The following BIRC3 variants were observed in gnomAD, a reference collection of about 807,000 sequenced individuals.
BIRC3 encodes baculoviral IAP repeat containing 3.
In BIRC3, 26 loss-of-function variants were observed where a neutral mutation model predicts 59.0. The observed-to-expected ratio is 0.44, with a 90% confidence interval of 0.32 to 0.61. The LOEUF (loss-of-function observed/expected upper bound fraction) is 0.61. Ranked by LOEUF, BIRC3 falls within the 20% of genes least tolerant of loss-of-function variation. The pLI is 0.04. For synonymous variants in BIRC3, 243 were observed against 249.2 expected (o/e 0.98, Z 0.24); for missense variants, 641 against 711.5 (o/e 0.90, Z 1.13).
At chr11:102,326,900 G>C (rs1291469331) in intron 3 of BIRC3, 2 of 400,978 alleles carry the variant, frequency 5.0e-6, no homozygotes, top group African/African-American at 4.1e-5. Context: ...TAGAGACAGG[G>C]TTTCACCATG....
intron 7 of BIRC3, 181 bp from the exon 8 acceptor site, chr11:102,336,579 C>T: frequency 1.5e-6 from 1 of 647,892 alleles, no homozygotes; most frequent in East Asian, 2.9e-5. Context: ...GGGTGACAGA[C>T]TCTGTCTCAA....
chr11:102,335,178 G>T (rs2135791880), intron 6 of BIRC3, among the ~76,000 whole-genome samples: 1 of 152,320 alleles, frequency 6.6e-6, no homozygotes, highest in Middle Eastern at 3.4e-3. Context: ...GGAGGCAGAG[G>T]TTGCAGTGAG....
At position 102,322,467 on chromosome 11, in the gene BIRC3, T is replaced by C. The variant is rs1243017717; in HGVS notation, c.-2043T>C. The C allele has an allele frequency of 9.7e-6, 2 of 205,940 alleles. No homozygotes were observed. The highest frequency in any genetic ancestry group is 6.0e-5 in the Admixed American group (1 of 16,778). 12.8% of individuals were successfully genotyped at this position (205,940 alleles called of 1,614,324 possible). ...TTAAACGTCCAAAAGTTTGTTTAAA[T>C]GGGCTGTTACCGCTGAGAATGATGA... is the stretch of plus-strand genomic sequence containing the variant. On this transcript the variant is annotated 5_prime_UTR_variant, in exon 2 of 9. An upstream start codon of the reference 5' UTR is lost. Transcript: ENST00000263464.
chr11:102,335,362 A>AT (rs1483837094), intron 6 of BIRC3, among the ~76,000 whole-genome samples: 1 of 152,226 alleles, frequency 6.6e-6, no homozygotes, highest in Admixed American at 6.5e-5. Flanking sequence ...TGAAACGTCA[A>AT]TTTTAATGGG....
chr11:102,320,588 A>G (rs146956567), intron 1 of BIRC3, among the ~76,000 whole-genome samples: 31 of 152,342 alleles, frequency 2.0e-4, no homozygotes, highest in African/African-American at 2.4e-4. Context: ...CTTTTAAATG[A>G]AAGCATACTC....
intron 6 of BIRC3, among the ~76,000 whole-genome samples, chr11:102,331,529 G>C (rs1951138787): frequency 6.6e-6 from 1 of 151,816 alleles, no homozygotes; most frequent in South Asian, 2.1e-4. Flanking sequence ...TGCATTCATG[G>C]CACATTTTTT....
At chr11:102,332,980 C>T (rs1006921892) in intron 6 of BIRC3, among the ~76,000 whole-genome samples, 3 of 152,192 alleles carry the variant, frequency 2.0e-5, no homozygotes, top group African/African-American at 4.8e-5. Context: ...AAATCTAAAA[C>T]TATCCACTTA....
At chr11:102,336,846 T>C (rs1468757018) in intron 8 of BIRC3, 45 bp downstream of exon 8, 1 of 1,587,552 alleles carries the variant, frequency 6.3e-7, no homozygotes, top group East Asian at 2.2e-5. Context: ...ATTGTCTTTA[T>C]TTTCTTAGTT....
intron 6 of BIRC3, among the ~76,000 whole-genome samples, chr11:102,335,637 CATT>C (rs17883841): frequency 6.6e-6 from 1 of 151,842 alleles, no homozygotes; most frequent in East Asian, 1.9e-4. Flanking sequence ...CTATAAGTAG[CATT>C]ATTATTATTA....
At chr11:102,334,856 C>T (rs1442317293) in intron 6 of BIRC3, among the ~76,000 whole-genome samples, 2 of 152,104 alleles carry the variant, frequency 1.3e-5, no homozygotes, top group Admixed American at 1.3e-4. Flanking sequence ...GCTGTTACTG[C>T]CTTTCCCTGC....
intron 1 of BIRC3, among the ~76,000 whole-genome samples, chr11:102,320,834 C>G (rs547801024): frequency 1.3e-5 from 2 of 152,340 alleles, no homozygotes; most frequent in Admixed American, 6.5e-5. Flanking sequence ...TTAGTGGAGA[C>G]TACCAGAACA....
At chr11:102,326,732 G>T (rs1951085131) in intron 3 of BIRC3, 1 of 454,692 alleles carries the variant, frequency 2.2e-6, no homozygotes, top group African/African-American at 2.0e-5. Flanking sequence ...TTTTGAGATG[G>T]AGCCTGGCTC....
In BIRC3 at chr11:102,331,157, A is replaced by G; in HGVS notation, c.1240A>G (p.Asn414Asp). 2 of 1,613,834 alleles carry G rather than the reference A, an allele frequency of 1.2e-6. No individual in the cohort carries two copies. Among genetic ancestry groups the G allele is most frequent in the Non-Finnish European group, 8.5e-7 (1 of 1,179,852 alleles). ...AACTGGAGAGAATTATAGACTAGTC[A>G]ATGATCTTGTGTTAGACTTACTCAA... Reference protein sequence around the residue: ...LATGENYRLVNDLVLDLLNAE... With the variant: ...LATGENYRLVDDLVLDLLNAE... Residue 414 changes from asparagine (N) to aspartate (D), a missense_variant, in exon 6 of 9, where the codon AAT becomes GAT. This residue lies in a region of BIRC3 where 268 missense variants were observed against 255.7 expected (regional missense o/e 1.05). Transcript: ENST00000263464.
intron 6 of BIRC3, among the ~76,000 whole-genome samples, chr11:102,331,892 C>T (rs17882481): frequency 5.5e-4 from 83 of 152,232 alleles, no homozygotes; most frequent in African/African-American, 1.9e-3. Flanking sequence ...CCGCCCGCCT[C>T]GGCCTCCCAA....
rs57261191 is a variant in BIRC3 at position 102,336,950 on chromosome 11, A to C, written c.1663A>C (p.Arg555=). 8.4e-4 allele frequency: 1,340 copies of C among 1,603,642 alleles called. 2 individuals carry two copies. In the African/African-American group the frequency reaches 0.013, roughly 16 times the overall value. The change falls in exon 9 of 9, where the codon AGA becomes CGA. Residue 555 remains arginine, a synonymous_variant. Transcript: ENST00000263464. ...ACAATTGCGGAGACTACAAGAAGAA[A>C]GAACATGTAAAGTGTGTATGGACAA... ...EEQLRRLQEE[R]TCKVCMDKEV...
intron 7 of BIRC3, 40 bp downstream of exon 7, chr11:102,336,260 A>T: frequency 6.5e-7 from 1 of 1,529,600 alleles, no homozygotes. Context: ...TTTCTAAGTC[A>T]ATTGAAAATA....
chr11:102,325,510 A>G lies in BIRC3; in HGVS notation c.898A>G (p.Arg300Gly). Residue 300 changes from arginine (R) to glycine (G), a missense_variant, in exon 3 of 9, where the codon AGG (arginine) becomes GGG (glycine). Arg to Gly is a moderately radical substitution (Grantham distance 125, BLOSUM62 -2). Coordinates refer to ENST00000263464, the MANE Select transcript of BIRC3 (RefSeq NM_001165.5). ...VKCFCCDGGLRCWESGDDPWV... is the reference protein window; with the variant it reads ...VKCFCCDGGLGCWESGDDPWV... ...ATGCTTTTGCTGTGATGGTGGACTC[A>G]GGTGTTGGGAATCTGGAGATGATCC... 6.2e-7 allele frequency: 1 copy of G among 1,613,040 alleles called. No homozygotes were observed. Among genetic ancestry groups the G allele is most frequent in the Non-Finnish European group, 8.5e-7 (1 of 1,179,352 alleles).
At chr11:102,329,997 A>G (rs1456942858) in intron 5 of BIRC3, among the ~76,000 whole-genome samples, 2 of 152,214 alleles carry the variant, frequency 1.3e-5, no homozygotes, top group Non-Finnish European at 2.9e-5. Flanking sequence ...GGTCTCATGT[A>G]TCTACTGGAA....
chr11:102,336,262 T>C, intron 7 of BIRC3, 42 bp downstream of exon 7: 7 of 1,526,604 alleles, frequency 4.6e-6, no homozygotes, highest in East Asian at 4.5e-5. Context: ...TCTAAGTCAA[T>C]TGAAAATACG....
Sources: gnomAD v4.1 joint callset for allele counts (sites outside exome capture counted in the v4.1 genomes callset) on GRCh38, gnomAD v4.1.1 for gene constraint, gnomAD v4.1.1 regional missense constraint, MANE v1.5 for transcripts, NCBI Gene and HGNC (gene_info 2026-07-23, HGNC 2026-07-21) for gene names.